Variants in GCKR observed in about 807,000 individuals in gnomAD.
GCKR encodes glucokinase regulatory protein.
A neutral mutation model predicts 82.9 loss-of-function variants in GCKR; 73 were observed. The ratio of observed to expected loss-of-function variants is 0.88; its 90% CI spans 0.73 to 1.07. The LOEUF (loss-of-function observed/expected upper bound fraction) is 1.07, where lower values mean the gene tolerates loss of function less well. Ranked by LOEUF, GCKR falls within the 50% of genes least tolerant of loss-of-function variation. The pLI is 0.00. For synonymous variants in GCKR, 294 were observed against 291.8 expected, an observed-to-expected ratio of 1.01 and a Z score of -0.08; for missense variants, 784 against 782.1, an observed-to-expected ratio of 1.00 and a Z score of -0.03.
In GCKR at chr2:27,499,210, T is replaced by A. The variant is rs1558433548; in HGVS notation, c.495+2T>A. The A allele has an allele frequency of 1.9e-6, 3 of 1,601,510 alleles. No individual in the cohort carries two copies. The highest frequency in any genetic ancestry group is 2.6e-6 in the Non-Finnish European group (3 of 1,168,866). On this transcript the variant is annotated splice_donor_variant, in intron 6 of 18. Coordinates refer to ENST00000264717, the MANE Select transcript of GCKR (RefSeq NM_001486.4). LOFTEE classifies it high-confidence loss of function. ...CACGGGATTGAGGAACTGAAGAAGG[T>A]CTGTGCTTTTCACTGACATTGACCA...
chr2:27,502,859 C>T (rs569375154), intron 8 of GCKR, among the ~76,000 whole-genome samples: 1 of 152,322 alleles, frequency 6.6e-6, no homozygotes, highest in African/African-American at 2.4e-5. Flanking sequence ...CAAATTATCC[C>T]CTAGCAAAGC....
chr2:27,507,192 A>G (rs780835112), intron 12 of GCKR, 43 bp from the exon 13 acceptor site: 3 of 1,326,064 alleles, frequency 2.3e-6, no homozygotes, highest in Admixed American at 3.4e-5. Flanking sequence ...TTCCTTTCCT[A>G]TATAGCCAAT....
chr2:27,503,857 G>A (rs1028496291), intron 9 of GCKR, among the ~76,000 whole-genome samples: 28 of 152,168 alleles, frequency 1.8e-4, no homozygotes, highest in Admixed American at 1.6e-3. Context: ...ACACTTCAGC[G>A]GTCTGGGACA....
In GCKR at chr2:27,510,765, G is replaced by T. The variant is rs188653274; in HGVS notation, c.1422+2514G>T. Among the ~76,000 whole-genome samples, 754 of 150,774 alleles carry T rather than the reference G, an allele frequency of 5.0e-3. 2 individuals carry two copies. The highest frequency in any genetic ancestry group is 0.018 in the African/African-American group (723 of 41,036). Reference sequence around the variant, plus strand: ...ATTGGCCATTTGATACTTTTTTTTTGTCTTTCATGTACTGCTTCTTGTCTT... The same window carrying T: ...ATTGGCCATTTGATACTTTTTTTTTTTCTTTCATGTACTGCTTCTTGTCTT... On this transcript the variant is annotated intron_variant, in intron 16 of 18. Coordinates refer to ENST00000264717, the MANE Select transcript of GCKR (RefSeq NM_001486.4).
chr2:27,507,844 GT>G, intron 14 of GCKR, 67 bp downstream of exon 14: 1 of 1,172,358 alleles, frequency 8.5e-7, no homozygotes. Flanking sequence ...AGGAGCTGTT[GT>G]TTTTCTGGGT....
In GCKR at chr2:27,522,962, G is replaced by A. The variant is rs1479452623; in HGVS notation, c.1708-307G>A. Reference sequence around the variant, plus strand: ...CCAGGCTGCTGGAGTGCAGTGGCGCGATCTCGGCTCACTGCAACCTCTGCC... The same window carrying A: ...CCAGGCTGCTGGAGTGCAGTGGCGCAATCTCGGCTCACTGCAACCTCTGCC... On this transcript the variant is annotated intron_variant, in intron 18 of 18. Coordinates refer to ENST00000264717, the MANE Select transcript of GCKR (RefSeq NM_001486.4). Among the ~76,000 whole-genome samples, 3 of 150,338 alleles carry A rather than the reference G, an allele frequency of 2.0e-5. No individual in the cohort carries two copies. The South Asian group carries it at 6.3e-4, about 32-fold the overall frequency.
intron 16 of GCKR, among the ~76,000 whole-genome samples, chr2:27,513,527 C>A (rs368201396): frequency 1.3e-3 from 172 of 133,294 alleles, no homozygotes; most frequent in Non-Finnish European, 1.2e-3. Context: ...GACTCCGTCA[C>A]AAAAAAAAAA....
rs1395553655 is a variant in GCKR at position 27,505,828 on chromosome 2, A to T, written c.861A>T (p.Ala287=). ...AHKTVDQGIA[A]SQRCLLEILR... ...AGACTGTGGACCAGGGCATTGCAGC[A>T]TCTCAAAGGTAGGGAGGATCTGGAT... Residue 287 remains alanine (A), a synonymous_variant, in exon 10 of 19, where the codon GCA becomes GCT. Coordinates refer to ENST00000264717, the MANE Select transcript of GCKR (RefSeq NM_001486.4). 2 of 1,525,856 alleles carry T rather than the reference A, an allele frequency of 1.3e-6. No homozygotes were observed. Among genetic ancestry groups the T allele is most frequent in the Admixed American group, 1.7e-5 (1 of 59,884 alleles). 94.5% of individuals were successfully genotyped at this position (1,525,856 alleles called of 1,614,324 possible). A position where few individuals can be genotyped will look rare whatever the true frequency, so the allele number is the denominator to read the frequency against.
Position 27,499,385 on chromosome 2 carries a change from C to A in GCKR, c.496-12C>A. 1.2e-6 allele frequency: 2 copies of A among 1,604,366 alleles called. No individual in the cohort carries two copies. Among genetic ancestry groups the A allele is most frequent in the Non-Finnish European group, 1.7e-6 (2 of 1,170,988 alleles). On this transcript the variant is annotated splice_polypyrimidine_tract_variant and intron_variant, in intron 6 of 18. Transcript: ENST00000264717. ...TCCCAGTTACACTACCTTGTCCATC[C>A]TCCTCTCCTAGGTGGCTGCCGGGAA...
intron 18 of GCKR, 102 bp from the exon 19 acceptor site, chr2:27,523,167 G>A: frequency 2.1e-6 from 2 of 948,006 alleles, no homozygotes; most frequent in East Asian, 2.5e-5. Context: ...CCAAAGTGCT[G>A]GGATTACAGG....
At position 27,522,501 on chromosome 2, in the gene GCKR, C is replaced by T. The variant is rs372400697; in HGVS notation, c.1614C>T (p.Leu538=). ...GQSKARCIES[L]LRAIHFPQPL... is the part of the protein sequence containing the mutation. ...CCAAGGCTCGATGCATCGAGAGCCT[C>T]CTCCGAGCGATCCACTTTCCCCAGC... The change falls in exon 18 of 19, where the codon CTC becomes CTT. Residue 538 remains leucine (L), a synonymous_variant. Coordinates refer to ENST00000264717, the MANE Select transcript of GCKR (RefSeq NM_001486.4). 14 of 1,613,216 alleles carry T rather than the reference C, an allele frequency of 8.7e-6. No individual in the cohort carries two copies. The highest frequency in any genetic ancestry group is 1.6e-4 in the Middle Eastern group (1 of 6,084).
intron 9 of GCKR, among the ~76,000 whole-genome samples, chr2:27,504,568 G>A (rs1572862948): frequency 6.6e-6 from 1 of 151,578 alleles, no homozygotes; most frequent in East Asian, 2.0e-4. Context: ...GGCTGGTCTC[G>A]AACTCCTGAC....
rs557607175 is a variant in GCKR at position 27,517,342 on chromosome 2, A to C, written c.1423-1446A>C. 4.6e-5 allele frequency among the ~76,000 whole-genome samples: 7 copies of C among 152,262 alleles called. No individual in the cohort carries two copies. The East Asian group carries it at 1.4e-3, about 29-fold the overall frequency. ...TAAAGGAAAGAGGTTTAATTGACCC[A>C]CAGTTCAGCATGGCTGGGGAGGCCT... On this transcript the variant is annotated intron_variant, in intron 16 of 18. Coordinates refer to ENST00000264717, the MANE Select transcript of GCKR (RefSeq NM_001486.4).
intron 7 of GCKR, among the ~76,000 whole-genome samples, chr2:27,500,865 T>C (rs1159752125): frequency 6.6e-6 from 1 of 152,240 alleles, no homozygotes; most frequent in Admixed American, 6.5e-5. Context: ...GAAGAGGATA[T>C]TGACTTCAAA....
At position 27,507,746 on chromosome 2, in the gene GCKR, C is replaced by T. The variant is rs771143618; in HGVS notation, c.1209C>T (p.Ile403=). The stretch of plus-strand genomic sequence containing the variant: ...CCATCCTTCCCTCTCTCACGGAAAT[C>T]GATACTGTGGTCTTCATTTTCACCC... ...LTSILPSLTE[I]DTVVFIFTLD... is the part of the protein sequence containing the mutation. The change falls in exon 14 of 19, where the codon ATC becomes ATT. Residue 403 remains isoleucine (I), a synonymous_variant. Transcript: ENST00000264717. 123 of 1,604,592 alleles carry T rather than the reference C, an allele frequency of 7.7e-5. No individual in the cohort carries two copies. Among genetic ancestry groups the T allele is most frequent in the Non-Finnish European group, 8.9e-5 (104 of 1,171,622 alleles).
intron 8 of GCKR, among the ~76,000 whole-genome samples, chr2:27,501,430 G>A (rs1669574603): frequency 6.6e-6 from 1 of 152,206 alleles, no homozygotes; most frequent in Non-Finnish European, 1.5e-5. Flanking sequence ...GTTTCAGAAA[G>A]CATTAAAGGC....
intron 5 of GCKR, 118 bp from the exon 6 acceptor site, chr2:27,499,024 G>T: frequency 1.3e-6 from 1 of 749,820 alleles, no homozygotes; most frequent in East Asian, 2.6e-5. Flanking sequence ...AACAAACTGT[G>T]GGTGCTCATT....
At chr2:27,505,950 C>A (rs1669729148) in intron 10 of GCKR, 114 bp downstream of exon 10, 1 of 759,006 alleles carries the variant, frequency 1.3e-6, no homozygotes, top group African/African-American at 1.7e-5. Context: ...AGACTGCAGC[C>A]CACCACGCCT....
rs554607486 is a variant in GCKR, at chr2:27,497,723, C to A, written c.285+93C>A. On this transcript the variant is annotated intron_variant, in intron 3 of 18. Coordinates refer to ENST00000264717, the MANE Select transcript of GCKR (RefSeq NM_001486.4). ...ATTTCTCACTTTGATAGATCTCATT[C>A]TCCTTTCTCCCTTTTGGAGATCCTC... 10 of 799,328 alleles carry A rather than the reference C, an allele frequency of 1.3e-5. No homozygotes were observed. The South Asian group carries it at 1.4e-4, about 11-fold the overall frequency. The allele number at this position is 799,328 out of a possible 1,614,324, so 49.5% of individuals were successfully genotyped here.
Sources: allele counts gnomAD v4.1 joint callset (sites outside exome capture counted in the v4.1 genomes callset), GRCh38; gene constraint gnomAD v4.1.1; transcripts MANE v1.5; gene names NCBI Gene and HGNC (gene_info 2026-07-23, HGNC 2026-07-21).